Variants in ARMC5 observed in about 807,000 individuals in gnomAD.
The protein encoded by ARMC5 is armadillo repeat containing 5.
A neutral mutation model predicts 60.5 loss-of-function variants in ARMC5; 28 were observed. The observed-to-expected ratio is 0.46, with a 90% CI of 0.34 to 0.63. ARMC5 has a LOEUF of 0.63. Among genes scored for constraint, ARMC5 ranks in the 30% least tolerant of loss-of-function variants. The pLI is 0.01. For missense variants in ARMC5, 1,189 were observed against 1,304.9 expected (o/e 0.91, Z 1.37); for synonymous variants, 680 against 607.3 (o/e 1.12, Z -1.76).
chr16:31,460,177 AG>A, intron 1 of ARMC5, 178 bp downstream of exon 1: 1 of 621,728 alleles, frequency 1.6e-6, no homozygotes, highest in African/African-American at 1.9e-5. Context: ...TCTATAGATG[AG>A]AGAGAGCCCT....
chr16:31,464,295 A>AC lies in ARMC5; in HGVS notation c.1371-99_1371-98insC. 1 of 522,184 alleles carries AC rather than the reference A, an allele frequency of 1.9e-6. No individual in the cohort carries two copies. The highest frequency in any genetic ancestry group is 2.6e-6 in the Non-Finnish European group (1 of 384,456). 32.3% of individuals were successfully genotyped at this position (522,184 alleles called of 1,614,324 possible). Reference sequence around the variant, plus strand: ...ATAGAGGGATACCACATTTCTTTAAAAAAAAAAAAAAAAAAAAAAAAGACG... The same window carrying AC: ...ATAGAGGGATACCACATTTCTTTAAACAAAAAAAAAAAAAAAAAAAAAGACG... On this transcript the variant is annotated intron_variant, in intron 3 of 5. Coordinates refer to ENST00000268314, the MANE Select transcript of ARMC5 (RefSeq NM_001105247.2). The surrounding 1 kb of genome is among the most constrained non-coding windows in gnomAD (Gnocchi z 7.6).
intron 1 of ARMC5, among the ~76,000 whole-genome samples, chr16:31,460,688 C>T (rs1239532210): frequency 6.6e-6 from 1 of 152,194 alleles, no homozygotes; most frequent in Non-Finnish European, 1.5e-5. Context: ...CAATGACTGC[C>T]TGTGAATAGC....
chr16:31,464,320 G>T lies in ARMC5; in HGVS notation c.1371-74G>T. The T allele has an allele frequency of 4.2e-6, 2 of 475,304 alleles. No individual in the cohort carries two copies. The highest frequency in any genetic ancestry group is 6.8e-6 in the Non-Finnish European group (2 of 295,860). 29.4% of individuals were successfully genotyped at this position (475,304 alleles called of 1,614,324 possible). On this transcript the variant is annotated intron_variant, in intron 3 of 5. Coordinates refer to ENST00000268314, the MANE Select transcript of ARMC5 (RefSeq NM_001105247.2). This position sits in a 1 kb window ranked among gnomAD's most constrained non-coding sequence, Gnocchi z 7.6. ...AAAAAAAAAAAAAAAAAAAAAAGACGCCTCACGCCTCTTGGACTCTGCCCC... is the reference window on the plus strand; with the variant it reads ...AAAAAAAAAAAAAAAAAAAAAAGACTCCTCACGCCTCTTGGACTCTGCCCC...
Position 31,459,760 on chromosome 16 carries a change from C to A in ARMC5, c.236C>A (p.Ala79Glu). ...CTCGCGCTGCTACGGCGAGCGGCTG[C>A]AGCGGGTTCCGCCCCGTCCCAGGCA... ...PLLALLRRAA[A>E]AGSAPSQAGP... Residue 79 changes from alanine (A) to glutamate (E), a missense_variant, in exon 1 of 6, where the codon GCA (alanine) becomes GAA (glutamate). Physicochemically the swap from Ala to Glu is moderately radical, Grantham distance 107. Around this residue, in one of 2 missense-constraint regions of ARMC5, gnomAD observed 327 missense variants for 233.7 expected, o/e 1.40. Coordinates refer to ENST00000268314, the MANE Select transcript of ARMC5 (RefSeq NM_001105247.2). The A allele has an allele frequency of 4.6e-6, 7 of 1,536,208 alleles. No individual in the cohort carries two copies. The highest frequency in any genetic ancestry group is 6.1e-6 in the Non-Finnish European group (7 of 1,150,092).
At chr16:31,465,536 T>C (rs556629750) in intron 4 of ARMC5, 2 of 933,140 alleles carry the variant, frequency 2.1e-6, no homozygotes, top group Admixed American at 3.7e-5. Flanking sequence ...CTAAGATCTA[T>C]ATCTGGTATA....
At chr16:31,465,111 A>G in intron 4 of ARMC5, 1 of 1,614,026 alleles carries the variant, frequency 6.2e-7, no homozygotes, top group Non-Finnish European at 8.5e-7. Context: ...TGGGACCCAG[A>G]TACCCTAACT....
chr16:31,464,623 C>A lies in ARMC5; in HGVS notation c.1600C>A (p.Gln534Lys). ...CCTGCTGCTGCTGTCGCGCTTTTCCCAGGCCCCTGACCCAAGTGGGGCACT... is the reference window on the plus strand; with the variant it reads ...CCTGCTGCTGCTGTCGCGCTTTTCCAAGGCCCCTGACCCAAGTGGGGCACT... ...PALLLLSRFS[Q>K]APDPSGALVT... The change falls in exon 4 of 6, where the codon CAG (glutamine) becomes AAG (lysine). Residue 534 changes from glutamine (Q) to lysine (K), a missense_variant. Coordinates refer to ENST00000268314, the MANE Select transcript of ARMC5 (RefSeq NM_001105247.2). The surrounding 1 kb of genome is among the most constrained non-coding windows in gnomAD (Gnocchi z 7.6). The A allele has an allele frequency of 6.3e-7, 1 of 1,597,198 alleles. No individual in the cohort carries two copies. Among genetic ancestry groups the A allele is most frequent in the East Asian group, 2.2e-5 (1 of 44,526 alleles).
rs1011100948 is a variant in ARMC5 at position 31,459,599 on chromosome 16, G to C, written c.75G>C (p.Glu25Asp). The part of the protein sequence containing the change: ...CLAQLAAAAG[E>D]ALGGEKDPAT... ...CGCAGCTCGCGGCGGCGGCCGGGGA[G>C]GCTCTGGGTGGGGAAAAGGACCCAG... The change falls in exon 1 of 6, where the codon GAG becomes GAC. Residue 25 changes from glutamate to aspartate, a missense_variant. Glu to Asp is a conservative substitution (Grantham distance 45). Around this residue, in one of 2 missense-constraint regions of ARMC5, gnomAD observed 327 missense variants for 233.7 expected, o/e 1.40. Coordinates refer to ENST00000268314, the MANE Select transcript of ARMC5 (RefSeq NM_001105247.2). 3.1e-6 allele frequency: 5 copies of C among 1,600,960 alleles called. No homozygotes were observed. The African/African-American group carries it at 6.7e-5, about 21-fold the overall frequency.
upstream of ARMC5, chr16:31,458,433 G>A (rs927465596): frequency 9.8e-6 from 15 of 1,535,760 alleles, no homozygotes; most frequent in Admixed American, 2.0e-5. Flanking sequence ...GCTTTTCACC[G>A]GTGTGTACCC....
At chr16:31,460,304 G>T in intron 1 of ARMC5, 1 of 368,520 alleles carries the variant, frequency 2.7e-6, no homozygotes, top group Non-Finnish European at 4.9e-6. Flanking sequence ...GATTCTTACC[G>T]TCCAGTTATG....
At chr16:31,460,125 C>A in intron 1 of ARMC5, 126 bp downstream of exon 1, 1 of 1,063,366 alleles carries the variant, frequency 9.4e-7, no homozygotes, top group Non-Finnish European at 1.4e-6. Flanking sequence ...GCGCATCGCT[C>A]CTGTTTCTCA....
chr16:31,462,666 A>G lies in ARMC5; in HGVS notation c.1119A>G (p.Leu373=). The G allele has an allele frequency of 5.6e-6, 9 of 1,613,706 alleles. No homozygotes were observed. Among genetic ancestry groups the G allele is most frequent in the Middle Eastern group, 1.7e-4 (1 of 5,830 alleles). Residue 373 remains leucine (L), a synonymous_variant, in exon 3 of 6, where the codon CTA becomes CTG. Transcript: ENST00000268314. This position sits in a 1 kb window ranked among gnomAD's most constrained non-coding sequence, Gnocchi z 7.2. ...ARLRDAGGLD[L]LMGLLRDPRA... ...TGCGGGATGCTGGTGGCTTGGATCT[A>G]CTGATGGGCCTGCTGCGGGACCCTC... is the stretch of plus-strand genomic sequence containing the variant.
At chr16:31,461,350 G>A (rs556097337) in intron 1 of ARMC5, among the ~76,000 whole-genome samples, 1 of 152,032 alleles carries the variant, frequency 6.6e-6, no homozygotes, top group Non-Finnish European at 1.5e-5. Context: ...TGACCCCTTG[G>A]CCTGACATTT....
At chr16:31,465,535 A>G (rs2082348820) in intron 4 of ARMC5, 4 of 928,394 alleles carry the variant, frequency 4.3e-6, no homozygotes, top group South Asian at 2.5e-5. Flanking sequence ...TCTAAGATCT[A>G]TATCTGGTAT....
intron 3 of ARMC5, among the ~76,000 whole-genome samples, chr16:31,463,575 T>G (rs1262795427): frequency 1.3e-5 from 2 of 151,894 alleles, no homozygotes; most frequent in Non-Finnish European, 2.9e-5. Context: ...AACTCTTTAT[T>G]TTTTTTTAAA....
In ARMC5 at chr16:31,462,148, G is replaced by A. The variant is rs774539522; in HGVS notation, c.601G>A (p.Val201Met). 1 of 1,612,346 alleles carries A rather than the reference G, an allele frequency of 6.2e-7. No homozygotes were observed. The highest frequency in any genetic ancestry group is 8.5e-7 in the Non-Finnish European group (1 of 1,179,222). Residue 201 changes from valine to methionine, a missense_variant, in exon 3 of 6, where the codon GTG becomes ATG. Val to Met is a conservative substitution (Grantham distance 21). Around this residue, in one of 2 missense-constraint regions of ARMC5, gnomAD observed 862 missense variants for 1,071.2 expected, o/e 0.80. Transcript: ENST00000268314. The surrounding 1 kb of genome is among the most constrained non-coding windows in gnomAD (Gnocchi z 7.2). ...GCCCTCAGGTGCTGTTCCCCTGCTT[G>A]TGGAGAGCCTGACAGCCTGCCAGGA... ...IHCAGAVPLL[V>M]ESLTACQDSQ...
chr16:31,464,445 C>G lies in ARMC5; in HGVS notation c.1422C>G (p.Pro474=). Residue 474 remains proline, a synonymous_variant, in exon 4 of 6, where the codon CCC becomes CCG. Transcript: ENST00000268314. This position sits in a 1 kb window ranked among gnomAD's most constrained non-coding sequence, Gnocchi z 7.6. ...CCACAGGCCCTGATGACATCTCCCC[C>G]GACTGGTCTCCTGAGCAGTGTCCGC... The part of the protein sequence containing the change: ...GYATGPDDIS[P]DWSPEQCPPE... 1.9e-6 allele frequency: 3 copies of G among 1,580,868 alleles called. No individual in the cohort carries two copies. Among genetic ancestry groups the G allele is most frequent in the Non-Finnish European group, 2.6e-6 (3 of 1,166,394 alleles).
At chr16:31,459,135 A>G, upstream of ARMC5, 2 of 1,491,230 alleles carry the variant, frequency 1.3e-6, no homozygotes, top group East Asian at 4.9e-5. Flanking sequence ...TAGAGGAGAA[A>G]AGGCGGTCCC....
At position 31,464,922 on chromosome 16, in the gene ARMC5, A is replaced by G. The variant is rs1476759026; in HGVS notation, c.1864+35A>G. 6.8e-6 allele frequency: 11 copies of G among 1,606,702 alleles called. No individual in the cohort carries two copies. In the East Asian group the frequency reaches 2.0e-4, roughly 29 times the overall value. Reference sequence around the variant, plus strand: ...CATACCCACCCGTCTCCTTGCCCCCATGTGAGTCCCCATCCTCCCCCATGG... The same window carrying G: ...CATACCCACCCGTCTCCTTGCCCCCGTGTGAGTCCCCATCCTCCCCCATGG... On this transcript the variant is annotated intron_variant, in intron 4 of 5. Transcript: ENST00000268314. This position sits in a 1 kb window ranked among gnomAD's most constrained non-coding sequence, Gnocchi z 7.6.
Sources: gnomAD v4.1 joint callset for allele counts (sites outside exome capture counted in the v4.1 genomes callset) on GRCh38, gnomAD v4.1.1 for gene constraint, gnomAD v4.1.1 regional missense constraint, Gnocchi (gnomAD v3.1) non-coding constraint, MANE v1.5 for transcripts, NCBI Gene and HGNC (gene_info 2026-07-23, HGNC 2026-07-21) for gene names.